Variants in ZC4H2 observed in about 807,000 individuals in gnomAD.
The protein encoded by ZC4H2 is zinc finger C4H2 domain-containing protein.
For missense variants in ZC4H2, 137 were observed against 173.9 expected (o/e 0.79, Z 1.19); for synonymous variants, 84 against 66.3 (o/e 1.27, Z -1.30).
At chrX:64,949,705 AT>A (rs1167222430) in intron 1 of ZC4H2, among the ~76,000 whole-genome samples, 3 of 111,314 alleles carry the variant, frequency 2.7e-5, no homozygotes, top group Non-Finnish European at 5.7e-5. Context: ...CCCCTTTATC[AT>A]TTTTTATGGC....
intron 1 of ZC4H2, among the ~76,000 whole-genome samples, chrX:65,022,664 G>A (rs1180818598): frequency 9.0e-6 from 1 of 111,593 alleles, no homozygotes; most frequent in Non-Finnish European, 1.9e-5. Flanking sequence ...CAGACAAACA[G>A]AAAGCCAAAT....
intron 1 of ZC4H2, among the ~76,000 whole-genome samples, chrX:65,027,103 G>T (rs959614349): frequency 8.9e-6 from 1 of 112,096 alleles, no homozygotes; most frequent in Non-Finnish European, 1.9e-5. Flanking sequence ...GTAACATTAG[G>T]ATGGAAGTGA....
intron 1 of ZC4H2, among the ~76,000 whole-genome samples, chrX:64,928,755 CTTT>C (rs1341528653): frequency 1.0e-5 from 1 of 96,645 alleles, no homozygotes; most frequent in Non-Finnish European, 2.1e-5. Context: ...CCTTCTTCTT[CTTT>C]TCTTCTTCTT....
intron 1 of ZC4H2, among the ~76,000 whole-genome samples, chrX:64,928,042 G>A (rs1472655126): frequency 2.7e-5 from 3 of 111,880 alleles, no homozygotes; most frequent in African/African-American, 6.5e-5. Context: ...TTTGTCAGAT[G>A]GATAGATTGC....
At chrX:65,023,117 G>C (rs1019946480) in intron 1 of ZC4H2, among the ~76,000 whole-genome samples, 1 of 111,433 alleles carries the variant, frequency 9.0e-6, no homozygotes, top group Non-Finnish European at 1.9e-5. Context: ...TGTTATTTGT[G>C]CTTAGGACTG....
At chrX:64,968,397 C>T (rs1276022791) in intron 1 of ZC4H2, among the ~76,000 whole-genome samples, 1 of 111,109 alleles carries the variant, frequency 9.0e-6, no homozygotes, top group Non-Finnish European at 1.9e-5. Context: ...AAAACCAGGC[C>T]AGTAGGGTGA....
intron 1 of ZC4H2, among the ~76,000 whole-genome samples, chrX:64,923,488 A>G (rs1929295972): frequency 9.2e-6 from 1 of 108,219 alleles, no homozygotes; most frequent in African/African-American, 3.4e-5. Flanking sequence ...GGGTGATCCA[A>G]CTCCACACAC....
upstream of ZC4H2, chrX:64,976,663 G>A (rs1361740039): frequency 2.9e-6 from 1 of 340,931 alleles, no homozygotes; most frequent in Non-Finnish European, 5.1e-6. Context: ...AGGTTGTGAA[G>A]AGTGCAAAGG....
At chrX:64,934,344 A>C (rs1929892822) in intron 1 of ZC4H2, among the ~76,000 whole-genome samples, 1 of 112,599 alleles carries the variant, frequency 8.9e-6, no homozygotes, top group Admixed American at 9.4e-5. Context: ...CAATTTCCTA[A>C]ATAGTGACAT....
At chrX:64,972,714 A>T (rs749806406) in intron 1 of ZC4H2, among the ~76,000 whole-genome samples, 2 of 111,784 alleles carry the variant, frequency 1.8e-5, no homozygotes, top group African/African-American at 3.3e-5. Context: ...CCTATCCCAG[A>T]TTTCCTTTGG....
intron 1 of ZC4H2, among the ~76,000 whole-genome samples, chrX:65,034,178 C>T (rs886196642): frequency 9.0e-6 from 1 of 111,266 alleles, no homozygotes; most frequent in African/African-American, 3.3e-5. Flanking sequence ...ATTTCAAAGC[C>T]CATTCTCTAA....
chrX:64,939,544 A>C (rs754813134), intron 1 of ZC4H2, among the ~76,000 whole-genome samples: 1 of 112,290 alleles, frequency 8.9e-6, no homozygotes, highest in South Asian at 3.7e-4. Context: ...AAACTATACT[A>C]CAAGGTTACA....
At chrX:64,948,294 A>G in intron 1 of ZC4H2, among the ~76,000 whole-genome samples, 1 of 111,679 alleles carries the variant, frequency 9.0e-6, no homozygotes, top group African/African-American at 3.3e-5. Flanking sequence ...ATCCAGTTAG[A>G]GGGCTCTTAC....
rs948811986 is a variant in ZC4H2 at position 64,942,909 on chromosome X, C to T, written c.54-20921G>A. Among the ~76,000 whole-genome samples, 12 of 111,963 alleles carry T rather than the reference C, an allele frequency of 1.1e-4. No homozygotes were observed. In the Admixed American group the frequency reaches 1.1e-3, roughly 11 times the overall value. On this transcript the variant is annotated intron_variant, in intron 1 of 4. Coordinates refer to ENST00000374839, the MANE Select transcript of ZC4H2 (RefSeq NM_018684.4). The stretch of plus-strand genomic sequence containing the variant: ...GATCCTTGAATAATCACCACACTGT[C>T]TTTCACAAGGGTTGAACTAATTTAC...
At chrX:64,998,088 AAC>A (rs1401853700) in intron 1 of ZC4H2, among the ~76,000 whole-genome samples, 1 of 112,065 alleles carries the variant, frequency 8.9e-6, no homozygotes, top group Non-Finnish European at 1.9e-5. Context: ...AAGTCAACTA[AAC>A]ACACAGAAAA....
rs765569457 is a variant in ZC4H2 at position 65,009,201 on chromosome X, C to T, written c.-272+25428G>A. Reference sequence around the variant, plus strand: ...AAGACAAGGTCCTTTTTGTGCCCTGCAGACTCCCACAAGCTCTTTGCAAGC... The same window carrying T: ...AAGACAAGGTCCTTTTTGTGCCCTGTAGACTCCCACAAGCTCTTTGCAAGC... On this transcript the variant is annotated intron_variant, in intron 1 of 4. Transcript: ENST00000337990. Among the ~76,000 whole-genome samples, 10 of 111,693 alleles carry T rather than the reference C, an allele frequency of 9.0e-5. No individual in the cohort carries two copies. The East Asian group carries it at 2.8e-3, about 31-fold the overall frequency.
chrX:65,007,770 A>C (rs898988964), intron 1 of ZC4H2, among the ~76,000 whole-genome samples: 1 of 112,098 alleles, frequency 8.9e-6, no homozygotes, highest in African/African-American at 3.2e-5. Flanking sequence ...GAATGAAACT[A>C]GACCCCTATC....
intron 1 of ZC4H2, among the ~76,000 whole-genome samples, chrX:64,954,769 C>T (rs1039862599): frequency 3.6e-5 from 4 of 110,213 alleles, no homozygotes; most frequent in African/African-American, 1.3e-4. Context: ...AAACTACTAA[C>T]CCAAGTAGAA....
Position 65,031,121 on chromosome X carries a change from G to A in ZC4H2, c.-272+3508C>T, listed in dbSNP as rs773181879. Among the ~76,000 whole-genome samples the A allele has an allele frequency of 2.8e-4, 31 of 111,047 alleles. 1 individual carries two copies. The highest frequency in any genetic ancestry group is 7.5e-4 in the African/African-American group (23 of 30,524). ...ATCATGAAAAATTTTCTTTAACACC[G>A]TATTTAGCCATGAGATATAGACCTT... On this transcript the variant is annotated intron_variant, in intron 1 of 4. Transcript: ENST00000337990.
Sources: allele counts gnomAD v4.1 joint callset (sites outside exome capture counted in the v4.1 genomes callset), GRCh38; gene constraint gnomAD v4.1.1; transcripts MANE v1.5; gene names NCBI Gene and HGNC (gene_info 2026-07-23, HGNC 2026-07-21).